Variants in SLC25A39 observed in about 807,000 individuals in gnomAD.
The protein encoded by SLC25A39 is solute carrier family 25 member 39.
SLC25A39 carries 44 observed loss-of-function variants against 46.6 expected under a neutral mutation model. That is an observed-to-expected ratio of 0.94 (90% CI 0.74 to 1.21). The LOEUF (loss-of-function observed/expected upper bound fraction) is 1.21, where lower values mean the gene tolerates loss of function less well. SLC25A39 is among the 50% of genes most tolerant of loss of function. The pLI is 0.00. For synonymous variants in SLC25A39, 218 were observed against 190.6 expected, an observed-to-expected ratio of 1.14 and a Z score of -1.19; for missense variants, 487 against 473.0, an observed-to-expected ratio of 1.03 and a Z score of -0.28.
intron 5 of SLC25A39, among the ~76,000 whole-genome samples, 197 bp from the exon 6 acceptor site, chr17:44,321,964 G>A (rs866285104): frequency 6.6e-6 from 1 of 152,212 alleles, no homozygotes; most frequent in African/African-American, 2.4e-5. Context: ...ACCTTATGGA[G>A]GCCAGGCACG....
rs1328716634 is a variant in SLC25A39 at position 44,322,798 on chromosome 17, G to A, written c.190+10C>T. The stretch of plus-strand genomic sequence containing the variant: ...ACCCTCCCATGCTCCCTGTGGCTTG[G>A]GGCACTCACATTTGGTATAGGAGAG... On this transcript the variant is annotated intron_variant, in intron 4 of 11. Transcript: ENST00000377095. 2 of 1,613,980 alleles carry A rather than the reference G, an allele frequency of 1.2e-6. No individual in the cohort carries two copies. Among genetic ancestry groups the A allele is most frequent in the East Asian group, 2.2e-5 (1 of 44,882 alleles).
intron 7 of SLC25A39, 26 bp downstream of exon 7, chr17:44,321,408 G>C (rs1283710286): frequency 6.2e-7 from 1 of 1,613,554 alleles, no homozygotes; most frequent in Admixed American, 1.7e-5. Flanking sequence ...GACAGAGGGA[G>C]GTCAAAGGCC....
In SLC25A39 at chr17:44,321,731, T is replaced by C. The variant is rs373907084; in HGVS notation, c.361A>G (p.Arg121Gly). 1 of 1,612,646 alleles carries C rather than the reference T, an allele frequency of 6.2e-7. No individual in the cohort carries two copies. The highest frequency in any genetic ancestry group is 1.3e-5 in the African/African-American group (1 of 75,042). ...FVKIVRHEGTRTLWSGLPATL... is the reference protein window; with the variant it reads ...FVKIVRHEGTGTLWSGLPATL... ...GCGGGGAGGCCGCTCCAGAGGGTCC[T>C]GGTGCCCTCGTGCCTCACGATCTTC... The change falls in exon 6 of 12, where the codon AGG becomes GGG. Residue 121 changes from arginine to glycine, a missense_variant. Transcript: ENST00000377095.
At chr17:44,323,010 C>T (rs1231064326) in intron 3 of SLC25A39, among the ~76,000 whole-genome samples, 158 bp from the exon 4 acceptor site, 1 of 152,190 alleles carries the variant, frequency 6.6e-6, no homozygotes, top group Admixed American at 6.5e-5. Context: ...GCAACCTCCA[C>T]CTTCCCGGTT....
rs4503841 is a variant in SLC25A39, at chr17:44,320,662, G to A, written c.761C>T (p.Ser254Phe). 7 of 1,614,038 alleles carry A rather than the reference G, an allele frequency of 4.3e-6. No homozygotes were observed. Among genetic ancestry groups the A allele is most frequent in the Non-Finnish European group, 5.9e-6 (7 of 1,180,056 alleles). ...LNGFRPKDQT[S>F]VGMSFVAGGI... ...ACCAGCCACAAAGCTCATGCCCACA[G>A]AAGTCTGGTCCTTCGGCCTGAACCC... Residue 254 changes from serine (S) to phenylalanine (F), a missense_variant, in exon 9 of 12, where the codon TCT (serine) becomes TTT (phenylalanine). Transcript: ENST00000377095.
chr17:44,323,490 T>TAACC lies in SLC25A39; in HGVS notation c.69_72dup (p.Thr25GlyfsTer123). On this transcript the variant is annotated frameshift_variant, in exon 2 of 12. Transcript: ENST00000377095. LOFTEE classifies it high-confidence loss of function. ...CCCTAGGTCTTACTGAAGAGAGAGG[T>TAACC]AACCACAGCCCCGGTGCCTGAGGCC... The TAACC allele has an allele frequency of 1.5e-6, 2 of 1,378,356 alleles. No homozygotes were observed. The highest frequency in any genetic ancestry group is 1.9e-6 in the Non-Finnish European group (2 of 1,051,824). The allele number at this position is 1,378,356 out of a possible 1,614,324, so 85.4% of individuals were successfully genotyped here.
At chr17:44,324,687 C>G (rs1344163092) in intron 1 of SLC25A39, 24 bp downstream of exon 1, 1 of 152,468 alleles carries the variant, frequency 6.6e-6, no homozygotes, top group East Asian at 1.9e-4. Flanking sequence ...TCTCCGCCCC[C>G]AGCCCCGGCC....
intron 9 of SLC25A39, 61 bp from the exon 10 acceptor site, chr17:44,320,497 C>T: frequency 1.7e-5 from 27 of 1,603,202 alleles, no homozygotes; most frequent in Non-Finnish European, 2.3e-5. Context: ...CCCTACCTCC[C>T]AGATGGCTCT....
Position 44,321,073 on chromosome 17 carries a change from C to T in SLC25A39, c.676G>A (p.Asp226Asn). ...GGGTGCCTACCTGAGAAGGGCACAT[C>T]TCGAAGGGCAGTGGGGCCCCAGCCC... is the stretch of plus-strand genomic sequence containing the variant. The part of the protein sequence containing the change: ...WLGWGPTALR[D>N]VPFSALYWFN... Residue 226 changes from aspartate to asparagine, a missense_variant, in exon 8 of 12, where the codon GAT becomes AAT. Asp to Asn is a conservative substitution (Grantham distance 23, BLOSUM62 1). Transcript: ENST00000377095. 6.2e-7 allele frequency: 1 copy of T among 1,603,178 alleles called. No homozygotes were observed. Among genetic ancestry groups the T allele is most frequent in the Non-Finnish European group, 8.5e-7 (1 of 1,175,580 alleles).
Position 44,319,681 on chromosome 17 carries a change from C to G in SLC25A39, c.*320G>C. The G allele has an allele frequency of 2.7e-6, 1 of 376,682 alleles. No individual in the cohort carries two copies. Among genetic ancestry groups the G allele is most frequent in the Non-Finnish European group, 5.0e-6 (1 of 198,094 alleles). 23.3% of individuals were successfully genotyped at this position (376,682 alleles called of 1,614,324 possible). On this transcript the variant is annotated 3_prime_UTR_variant, in exon 12 of 12. Transcript: ENST00000377095. The stretch of plus-strand genomic sequence containing the variant: ...TTAACAAGGGTCAGGGAGACTACAC[C>G]AGGCTGAGGGCTTCTTGGTTCCTGG...
In SLC25A39 at chr17:44,320,269, G is replaced by A. The variant is rs750472448; in HGVS notation, c.891C>T (p.Pro297=). The stretch of plus-strand genomic sequence containing the variant: ...GCAGCCAGGTGGAGTCCACATGCAG[G>A]GGGTTCACTGCAAACGCGAGGCCGG... The part of the protein sequence containing the change: ...LGAMEAVRVN[P]LHVDSTWLLL... The change falls in exon 11 of 12, where the codon CCC becomes CCT. Residue 297 remains proline (P), a synonymous_variant. Transcript: ENST00000377095. 3.9e-5 allele frequency: 63 copies of A among 1,613,620 alleles called. No homozygotes were observed. Among genetic ancestry groups the A allele is most frequent in the Non-Finnish European group, 5.3e-5 (62 of 1,180,038 alleles).
chr17:44,323,439 A>ACGCC, intron 2 of SLC25A39, 39 bp downstream of exon 2: 2 of 257,112 alleles, frequency 7.8e-6, no homozygotes, highest in Non-Finnish European at 1.1e-5. Context: ...GGTCTGCCCC[A>ACGCC]TCCCCACCCG....
chr17:44,323,692 T>A (rs2048135342), intron 1 of SLC25A39, 115 bp from the exon 2 acceptor site: 1 of 692,894 alleles, frequency 1.4e-6, no homozygotes, highest in Admixed American at 2.6e-5. Flanking sequence ...GTTGCCAGGC[T>A]GGAGTGCAGT....
chr17:44,323,440 T>TTCCC, intron 2 of SLC25A39, 38 bp downstream of exon 2: 7 of 341,542 alleles, frequency 2.0e-5, no homozygotes, highest in Admixed American at 6.5e-5. Flanking sequence ...GTCTGCCCCA[T>TTCCC]CCCCACCCGC....
At position 44,321,532 on chromosome 17, in the gene SLC25A39, A is replaced by C. The variant is rs1244174132; in HGVS notation, c.419T>G (p.Ile140Ser). The C allele has an allele frequency of 1.9e-6, 3 of 1,614,050 alleles. No individual in the cohort carries two copies. In the South Asian group the frequency reaches 3.3e-5, roughly 18 times the overall value. The stretch of plus-strand genomic sequence containing the variant: ...CAGTTGGTCATAGGCAGTGAAGTAG[A>C]TGGCGGTAGCTGGCACAGTCATCAC... ...TLVMTVPATA[I>S]YFTAYDQLKA... The change falls in exon 7 of 12, where the codon ATC becomes AGC. Residue 140 changes from isoleucine (I) to serine (S), a missense_variant. Ile to Ser is a moderately radical substitution (Grantham distance 142). Transcript: ENST00000377095.
rs2143194638 is a variant in SLC25A39 at position 44,323,475 on chromosome 17, T to TA, written c.85+2dup. ...CCCCCACCCCACCTCCCCTAGGTCTTACTGAAGAGAGAGGTAACCACAGCC... is the reference window on the plus strand; with the variant it reads ...CCCCCACCCCACCTCCCCTAGGTCTTAACTGAAGAGAGAGGTAACCACAGCC... On this transcript the variant is annotated splice_region_variant and intron_variant, in intron 2 of 11. Transcript: ENST00000377095. 1 of 1,218,564 alleles carries TA rather than the reference T, an allele frequency of 8.2e-7. No individual in the cohort carries two copies. The highest frequency in any genetic ancestry group is 1.6e-5 in the African/African-American group (1 of 61,996). 75.5% of individuals were successfully genotyped at this position (1,218,564 alleles called of 1,614,324 possible).
Position 44,322,549 on chromosome 17 carries a change from G to A in SLC25A39, c.194C>T (p.Pro65Leu), listed in dbSNP as rs773225862. Residue 65 changes from proline (P) to leucine (L), a missense_variant, in exon 5 of 12, where the codon CCC becomes CTC. By Grantham distance (98) the Pro-to-Leu change is moderately conservative. Coordinates refer to ENST00000377095, the MANE Select transcript of SLC25A39 (RefSeq NM_001143780.3). ...CTTCCCTGTGGATTGGAGAGAGGAG[G>A]GCACTGGGGAAAGGCAGGGGGCATT... Reference protein sequence around the residue: ...RLWSLSYTKLPSSLQSTGKCL... With the variant: ...RLWSLSYTKLLSSLQSTGKCL... 3.1e-6 allele frequency: 5 copies of A among 1,614,010 alleles called. No individual in the cohort carries two copies. The highest frequency in any genetic ancestry group is 4.2e-6 in the Non-Finnish European group (5 of 1,179,964).
intron 9 of SLC25A39, 46 bp from the exon 10 acceptor site, chr17:44,320,482 C>G (rs1210310821): frequency 6.2e-7 from 1 of 1,606,460 alleles, no homozygotes; most frequent in Non-Finnish European, 8.5e-7. Flanking sequence ...TTCCTGGACC[C>G]CCACCCCTAC....
At chr17:44,323,972 C>A in intron 1 of SLC25A39, 1 of 206,966 alleles carries the variant, frequency 4.8e-6, no homozygotes, top group Non-Finnish European at 9.9e-6. Context: ...CCTCATCCAC[C>A]GCCCTCGAAA....
Sources: gnomAD v4.1 joint callset for allele counts (sites outside exome capture counted in the v4.1 genomes callset) on GRCh38, gnomAD v4.1.1 for gene constraint, MANE v1.5 for transcripts, NCBI Gene and HGNC (gene_info 2026-07-23, HGNC 2026-07-21) for gene names.